FNDC3B: variants seen among roughly 807,000 people sequenced by gnomAD.
The protein encoded by FNDC3B is fibronectin type III domain containing 3B, also known as fibronectin type III domain-containing protein 3B.
Under a neutral mutation model 151.5 loss-of-function variants are expected in FNDC3B, and 12 were observed. The observed-to-expected ratio is 0.08, with a 90% CI of 0.05 to 0.13. The LOEUF (loss-of-function observed/expected upper bound fraction) is 0.13. FNDC3B is among the 10% of genes least tolerant of loss of function. FNDC3B has a pLI of 1.00. For missense variants in FNDC3B, 1,214 were observed against 1,505.3 expected (o/e 0.81, Z 3.20); for synonymous variants, 528 against 549.0 (o/e 0.96, Z 0.54).
chr3:172,358,860 G>T (rs892562123), intron 22 of FNDC3B, among the ~76,000 whole-genome samples: 1 of 151,894 alleles, frequency 6.6e-6, no homozygotes, highest in East Asian at 1.9e-4. Flanking sequence ...TTACTTAAAA[G>T]TGTTCAATAA....
intron 1 of FNDC3B, among the ~76,000 whole-genome samples, chr3:172,110,268 C>T (rs988449120): frequency 2.0e-5 from 3 of 152,158 alleles, no homozygotes; most frequent in Non-Finnish European, 4.4e-5. Context: ...TCCCCATTCC[C>T]TCACAGGACT....
At chr3:172,279,113 T>A (rs1391569618) in intron 6 of FNDC3B, among the ~76,000 whole-genome samples, 8 of 151,812 alleles carry the variant, frequency 5.3e-5, no homozygotes, top group African/African-American at 1.9e-4. Flanking sequence ...GCCTCTCTTA[T>A]TACCCCAGGT....
chr3:172,284,002 A>G (rs199651791), intron 6 of FNDC3B, among the ~76,000 whole-genome samples: 87 of 152,312 alleles, frequency 5.7e-4, no homozygotes, highest in Non-Finnish European at 2.4e-4. Context: ...ACGTCCTACT[A>G]AACAGAACGC....
chr3:172,152,578 C>CTTTTTTTTTT (rs10662326), intron 3 of FNDC3B, among the ~76,000 whole-genome samples: 2 of 125,808 alleles, frequency 1.6e-5, no homozygotes, highest in African/African-American at 3.1e-5. Context: ...ATGGGAAGGG[C>CTTTTTTTTTT]TTTTTTTTTT....
chr3:172,133,408 A>C, intron 2 of FNDC3B, 63 bp from the exon 3 acceptor site: 1 of 1,280,538 alleles, frequency 7.8e-7, no homozygotes, highest in African/African-American at 1.5e-5. Context: ...AATTTAGGTA[A>C]TAACACTTAA....
chr3:172,144,102 G>T (rs1382467649), intron 3 of FNDC3B, among the ~76,000 whole-genome samples: 1 of 152,072 alleles, frequency 6.6e-6, no homozygotes, highest in Non-Finnish European at 1.5e-5. Flanking sequence ...CTTCTCGTGA[G>T]GGCCTCAAAG....
chr3:172,215,442 G>T (rs187747117), intron 3 of FNDC3B, among the ~76,000 whole-genome samples: 1 of 152,342 alleles, frequency 6.6e-6, no homozygotes, highest in Admixed American at 6.5e-5. Context: ...AAGACTCGGA[G>T]GCTGGGCGTG....
chr3:172,395,220 T>G (rs975540382), intron 25 of FNDC3B, among the ~76,000 whole-genome samples: 1 of 152,220 alleles, frequency 6.6e-6, no homozygotes, highest in Admixed American at 6.5e-5. Flanking sequence ...GCTTATTGAT[T>G]TGGTTTCATT....
At chr3:172,366,079 A>G (rs565489077) in intron 23 of FNDC3B, among the ~76,000 whole-genome samples, 10 of 152,240 alleles carry the variant, frequency 6.6e-5, no homozygotes, top group South Asian at 4.1e-4. Flanking sequence ...TCATATTTTT[A>G]GTTTCTGCTA....
chr3:172,183,337 A>G (rs1230028432), intron 3 of FNDC3B, among the ~76,000 whole-genome samples: 1 of 152,164 alleles, frequency 6.6e-6, no homozygotes, highest in Non-Finnish European at 1.5e-5. Context: ...ATCATTTCTC[A>G]TCTACTTTAT....
At chr3:172,390,494 GTC>G (rs1221356030) in intron 25 of FNDC3B, among the ~76,000 whole-genome samples, 1 of 150,830 alleles carries the variant, frequency 6.6e-6, no homozygotes, top group Non-Finnish European at 1.5e-5. Context: ...TTGTTCAAGA[GTC>G]TCTAAACTGG....
chr3:172,046,878 C>T (rs1471593950), intron 1 of FNDC3B: 3 of 152,180 alleles, frequency 2.0e-5, no homozygotes, highest in Non-Finnish European at 4.4e-5. Flanking sequence ...ATGTTCTACT[C>T]TGTTCTGATG....
intron 7 of FNDC3B, among the ~76,000 whole-genome samples, chr3:172,288,903 G>C (rs13326561): frequency 2.0e-5 from 3 of 152,220 alleles, no homozygotes; most frequent in East Asian, 3.9e-4. Context: ...TGGGCTGAAG[G>C]CATATCAGAC....
chr3:172,358,636 C>A (rs527392792), intron 22 of FNDC3B, among the ~76,000 whole-genome samples: 2 of 152,364 alleles, frequency 1.3e-5, no homozygotes, highest in African/African-American at 4.8e-5. Context: ...TGGCGTGACA[C>A]TCTCAAAGAA....
At chr3:172,228,629 G>A (rs113553306) in intron 4 of FNDC3B, among the ~76,000 whole-genome samples, 53 of 152,168 alleles carry the variant, frequency 3.5e-4, no homozygotes, top group Admixed American at 7.9e-4. Flanking sequence ...CTGTACACTC[G>A]CTTGTATGAA....
At chr3:172,130,786 A>G (rs1025727470) in intron 2 of FNDC3B, among the ~76,000 whole-genome samples, 1 of 152,192 alleles carries the variant, frequency 6.6e-6, no homozygotes, top group Non-Finnish European at 1.5e-5. Context: ...GCGTGGTAGA[A>G]GAGAGTATAT....
intron 1 of FNDC3B, among the ~76,000 whole-genome samples, chr3:172,084,425 T>TG (rs35647210): frequency 0.64 from 96,449 of 150,534 alleles, 31,081 homozygotes; most frequent in East Asian, 0.78. Flanking sequence ...CACTCCAACC[T>TG]GGTGACAGAG....
chr3:172,336,233 TATGTCTAAGA>T (rs1732958775), intron 15 of FNDC3B, among the ~76,000 whole-genome samples: 1 of 152,236 alleles, frequency 6.6e-6, no homozygotes, highest in Admixed American at 6.5e-5. Context: ...AAATCTCCGC[TATGTCTAAGA>T]ATATAGAAGT....
At chr3:172,050,588 T>A (rs1716592452) in intron 1 of FNDC3B, among the ~76,000 whole-genome samples, 1 of 151,832 alleles carries the variant, frequency 6.6e-6, no homozygotes. Flanking sequence ...TTCACCATGT[T>A]AGCCAGACTG....
Sources: allele counts gnomAD v4.1 joint callset (sites outside exome capture counted in the v4.1 genomes callset), GRCh38; gene constraint gnomAD v4.1.1; transcripts MANE v1.5; gene names NCBI Gene and HGNC (gene_info 2026-07-23, HGNC 2026-07-21).